PTPRO: variants seen among roughly 807,000 people sequenced by gnomAD.
The protein encoded by PTPRO is protein tyrosine phosphatase receptor type O.
Under a neutral mutation model 145.2 loss-of-function variants are expected in PTPRO, and 62 were observed. The ratio of observed to expected loss-of-function variants is 0.43; its 90% CI spans 0.35 to 0.53. The LOEUF (loss-of-function observed/expected upper bound fraction) is 0.53, where lower values mean the gene tolerates loss of function less well. PTPRO is among the 20% of genes least tolerant of loss of function. PTPRO has a pLI of 0.01. For missense variants in PTPRO, 1,345 were observed against 1,482.7 expected (o/e 0.91, Z 1.53); for synonymous variants, 565 against 514.7 (o/e 1.10, Z -1.32).
chr12:15,335,463 A>G (rs1193523177), intron 1 of PTPRO, among the ~76,000 whole-genome samples: 8 of 152,090 alleles, frequency 5.3e-5, no homozygotes, highest in African/African-American at 1.9e-4. Context: ...GCCCAAGTTT[A>G]TTCTGCATTG....
chr12:15,462,224 A>G (rs993989500), intron 1 of PTPRO, among the ~76,000 whole-genome samples: 9 of 152,150 alleles, frequency 5.9e-5, no homozygotes, highest in African/African-American at 2.2e-4. Context: ...TCCTGGGTTC[A>G]AGTGGTTCTC....
At chr12:15,453,014 C>A (rs1434974107) in intron 1 of PTPRO, among the ~76,000 whole-genome samples, 1 of 152,062 alleles carries the variant, frequency 6.6e-6, no homozygotes, top group African/African-American at 2.4e-5. Context: ...AATTTTGAAA[C>A]ACACATCCCT....
intron 12 of PTPRO, among the ~76,000 whole-genome samples, chr12:15,528,029 T>C (rs1942878657): frequency 6.6e-6 from 1 of 151,998 alleles, no homozygotes; most frequent in Non-Finnish European, 1.5e-5. Context: ...ATTCAGAAAT[T>C]TATCAGAGAA....
intron 1 of PTPRO, among the ~76,000 whole-genome samples, chr12:15,360,963 T>C (rs573801327): frequency 8.8e-5 from 13 of 148,198 alleles, no homozygotes; most frequent in Non-Finnish European, 1.6e-4. Flanking sequence ...TACACACACA[T>C]ATATACACAC....
At chr12:15,468,943 A>C (rs982687300) in intron 1 of PTPRO, among the ~76,000 whole-genome samples, 1 of 152,194 alleles carries the variant, frequency 6.6e-6, no homozygotes, top group Non-Finnish European at 1.5e-5. Flanking sequence ...AGTTCTGACA[A>C]TTTTGTTGTT....
intron 1 of PTPRO, among the ~76,000 whole-genome samples, chr12:15,436,249 T>C (rs536861009): frequency 1.9e-4 from 29 of 152,138 alleles, no homozygotes; most frequent in African/African-American, 6.5e-4. Flanking sequence ...ATTCAAAAGC[T>C]AGCAGAAGGC....
intron 1 of PTPRO, among the ~76,000 whole-genome samples, chr12:15,332,989 A>G (rs931100904): frequency 1.3e-5 from 2 of 152,078 alleles, no homozygotes; most frequent in Non-Finnish European, 2.9e-5. Flanking sequence ...CCATCACACA[A>G]CTTTAAGCTA....
chr12:15,574,456 T>C lies in PTPRO; in HGVS notation c.2830-4397T>C, dbSNP rs945477765. On this transcript the variant is annotated intron_variant, in intron 19 of 26. Coordinates refer to ENST00000281171, the MANE Select transcript of PTPRO (RefSeq NM_030667.3). ...GCTTAGTGTTTGATCAGGATACTAG[T>C]AAAGGCCCTCACCATCTCTGTTCAG... Among the ~76,000 whole-genome samples, 8 of 152,308 alleles carry C rather than the reference T, an allele frequency of 5.3e-5. No individual in the cohort carries two copies. In the East Asian group the frequency reaches 1.5e-3, roughly 29 times the overall value.
At chr12:15,487,246 G>A (rs1237094120) in intron 2 of PTPRO, among the ~76,000 whole-genome samples, 3 of 152,028 alleles carry the variant, frequency 2.0e-5, no homozygotes, top group African/African-American at 4.8e-5. Context: ...AAACTACACC[G>A]ACACTGAAAT....
At chr12:15,538,150 G>A (rs1423127101) in intron 12 of PTPRO, among the ~76,000 whole-genome samples, 1 of 151,754 alleles carries the variant, frequency 6.6e-6, no homozygotes, top group Non-Finnish European at 1.5e-5. Flanking sequence ...CCAATCCCTC[G>A]CCTCAATATA....
intron 1 of PTPRO, among the ~76,000 whole-genome samples, chr12:15,344,546 T>C (rs995950229): frequency 3.9e-5 from 6 of 152,220 alleles, no homozygotes; most frequent in East Asian, 1.9e-4. Context: ...ATTATTGATA[T>C]TGCTCCACAT....
At position 15,581,716 on chromosome 12, in the gene PTPRO, C is replaced by G. The variant is rs753618835; in HGVS notation, c.3170C>G (p.Pro1057Arg). 7 of 1,613,970 alleles carry G rather than the reference C, an allele frequency of 4.3e-6. No individual in the cohort carries two copies. The South Asian group carries it at 6.6e-5, about 15-fold the overall frequency. ...CATTACTGGCCATTCACGGAAGAAC[C>G]TATAGCCTATGGAGACATCACTGTG... The part of the protein sequence containing the change: ...CDHYWPFTEE[P>R]IAYGDITVEM... Residue 1057 changes from proline to arginine, a missense_variant, in exon 23 of 27, where the codon CCT (proline) becomes CGT (arginine). Transcript: ENST00000281171.
chr12:15,581,119 A>G (rs1253026567), intron 22 of PTPRO, among the ~76,000 whole-genome samples: 1 of 152,084 alleles, frequency 6.6e-6, no homozygotes, highest in Non-Finnish European at 1.5e-5. Context: ...AGTTTTGGGG[A>G]GCTGGCAAGC....
chr12:15,424,905 A>G (rs1460246821), intron 1 of PTPRO, among the ~76,000 whole-genome samples: 3 of 152,130 alleles, frequency 2.0e-5, no homozygotes, highest in Non-Finnish European at 4.4e-5. Context: ...GATGGCTCCC[A>G]TCTCATCTGG....
At chr12:15,515,114 G>A (rs1453598369) in intron 7 of PTPRO, among the ~76,000 whole-genome samples, 1 of 152,096 alleles carries the variant, frequency 6.6e-6, no homozygotes, top group Non-Finnish European at 1.5e-5. Context: ...AGTGACAAGA[G>A]ACTAAAGACA....
chr12:15,555,476 G>A (rs553354494), intron 15 of PTPRO, among the ~76,000 whole-genome samples: 1 of 152,304 alleles, frequency 6.6e-6, no homozygotes, highest in South Asian at 2.1e-4. Flanking sequence ...CAATGTGTAT[G>A]CAGAAGAGAT....
At chr12:15,334,865 CTTCTT>C (rs1866711251) in intron 1 of PTPRO, among the ~76,000 whole-genome samples, 1 of 151,978 alleles carries the variant, frequency 6.6e-6, no homozygotes. Flanking sequence ...AATTAATAAT[CTTCTT>C]TACTCAATAT....
intron 1 of PTPRO, among the ~76,000 whole-genome samples, chr12:15,341,848 C>A (rs1033952500): frequency 6.6e-6 from 1 of 152,166 alleles, no homozygotes; most frequent in African/African-American, 2.4e-5. Flanking sequence ...GCAAAGATTA[C>A]CTGCCTGCAA....
chr12:15,582,841 A>G lies in PTPRO; in HGVS notation c.3255+1040A>G, dbSNP rs143828794. 1.4e-3 allele frequency among the ~76,000 whole-genome samples: 210 copies of G among 152,288 alleles called. 1 individual carries two copies. Among genetic ancestry groups the G allele is most frequent in the African/African-American group, 4.8e-3 (200 of 41,560 alleles). On this transcript the variant is annotated intron_variant, in intron 23 of 26. Coordinates refer to ENST00000281171, the MANE Select transcript of PTPRO (RefSeq NM_030667.3). ...CTGATGGATAACACATCCAAAAAAAATGTCTGTTTTTCTCACAAGGCCTGA... is the reference window on the plus strand; with the variant it reads ...CTGATGGATAACACATCCAAAAAAAGTGTCTGTTTTTCTCACAAGGCCTGA...
Sources: allele counts gnomAD v4.1 joint callset (sites outside exome capture counted in the v4.1 genomes callset), GRCh38; gene constraint gnomAD v4.1.1; transcripts MANE v1.5; gene names NCBI Gene and HGNC (gene_info 2026-07-23, HGNC 2026-07-21).